Variants in ERCC1 observed in about 807,000 individuals in gnomAD.
The protein encoded by ERCC1 is DNA excision repair protein ERCC-1.
ERCC1 carries 36 observed loss-of-function variants against 37.6 expected under a neutral mutation model. The ratio of observed to expected loss-of-function variants is 0.96; its 90% confidence interval spans 0.73 to 1.26. ERCC1 has a LOEUF of 1.26. Ranked by LOEUF, ERCC1 falls within the 50% of genes most tolerant of loss-of-function variation. ERCC1 has a pLI of 0.00. For missense variants in ERCC1, 349 were observed against 376.5 expected (o/e 0.93, Z 0.60); for synonymous variants, 156 against 162.1 (o/e 0.96, Z 0.28).
upstream of ERCC1, among the ~76,000 whole-genome samples, chr19:45,428,501 CCT>C (rs1974756180): frequency 2.0e-5 from 3 of 152,220 alleles, no homozygotes; most frequent in Admixed American, 2.0e-4. Flanking sequence ...TCCGATTCCG[CCT>C]CTTTCTTCCA....
Position 45,408,165 on chromosome 19 carries a change from C to G in ERCC1, c.*1510G>C. 2 of 1,608,882 alleles carry G rather than the reference C, an allele frequency of 1.2e-6. No individual in the cohort carries two copies. The highest frequency in any genetic ancestry group is 1.7e-6 in the Non-Finnish European group (2 of 1,176,234). On this transcript the variant is annotated 3_prime_UTR_variant, in exon 10 of 10. Transcript: ENST00000300853. ...GGGCGGCATGTGCCTCTCTCTGGCT[C>G]CCAGATCGTCAAGGGCAAATTGGCA...
chr19:45,427,018 ACTCAGGAGG>A (rs1974711590), upstream of ERCC1, among the ~76,000 whole-genome samples: 1 of 151,008 alleles, frequency 6.6e-6, no homozygotes, highest in Non-Finnish European at 1.5e-5. Context: ...AGTCCCAGAT[ACTCAGGAGG>A]CTGAGGAGGG....
chr19:45,425,076 C>T (rs1243503184), upstream of ERCC1, among the ~76,000 whole-genome samples: 2 of 135,670 alleles, frequency 1.5e-5, no homozygotes, highest in African/African-American at 3.0e-5. Context: ...CCACCATGCC[C>T]GGCTAATTTT....
chr19:45,416,137 A>G (rs979483958), intron 6 of ERCC1, among the ~76,000 whole-genome samples: 1 of 152,182 alleles, frequency 6.6e-6, no homozygotes, highest in African/African-American at 2.4e-5. Flanking sequence ...CCTGTCTCAA[A>G]AAAATAATAA....
At chr19:45,414,446 C>T (rs1568578352) in intron 7 of ERCC1, 1 of 338,842 alleles carries the variant, frequency 3.0e-6, no homozygotes, top group Non-Finnish European at 5.6e-6. Flanking sequence ...CATTGCACTC[C>T]AGCCTGGGCA....
Position 45,420,405 on chromosome 19 carries a change from A to G in ERCC1, c.344T>C (p.Phe115Ser). ...PRQRGNPVLK[F>S]VRNVPWEFGD... Reference sequence around the variant, plus strand: ...AAATTCCCAGGGCACATTGCGCACGAACTTCAGTACGGGATTGCCCCTCTG... The same window carrying G: ...AAATTCCCAGGGCACATTGCGCACGGACTTCAGTACGGGATTGCCCCTCTG... Residue 115 changes from phenylalanine (F) to serine (S), a missense_variant, in exon 4 of 10, where the codon TTC (phenylalanine) becomes TCC (serine). Transcript: ENST00000300853. This position sits in a 1 kb window ranked among gnomAD's most constrained non-coding sequence, Gnocchi z 4.8. 6.2e-7 allele frequency: 1 copy of G among 1,613,484 alleles called. No homozygotes were observed. The highest frequency in any genetic ancestry group is 8.5e-7 in the Non-Finnish European group (1 of 1,179,672).
At chr19:45,421,499 T>C in intron 2 of ERCC1, 106 bp from the exon 3 acceptor site, 1 of 780,180 alleles carries the variant, frequency 1.3e-6, no homozygotes, top group South Asian at 1.8e-5. Flanking sequence ...TGAGACAGTC[T>C]TGCTCTGTCA....
intron 1 of ERCC1, among the ~76,000 whole-genome samples, chr19:45,432,936 C>T (rs112502329): frequency 0.078 from 11,896 of 152,126 alleles, 1,537 homozygotes; most frequent in African/African-American, 0.27. Context: ...CAAAATTAGC[C>T]GGGCATGGTG....
Position 45,409,254 on chromosome 19 carries a change from A to C in ERCC1, c.*421T>G. 1 of 1,613,734 alleles carries C rather than the reference A, an allele frequency of 6.2e-7. No individual in the cohort carries two copies. The highest frequency in any genetic ancestry group is 8.5e-7 in the Non-Finnish European group (1 of 1,179,806). On this transcript the variant is annotated 3_prime_UTR_variant, in exon 10 of 10. Transcript: ENST00000300853. ...ACCAAGAAGAAGAAGAAGAAGAAAG[A>C]GAGAGGTCACACAGTGACTGAGCCA...
At chr19:45,427,487 C>T (rs886690638), upstream of ERCC1, among the ~76,000 whole-genome samples, 1 of 151,794 alleles carries the variant, frequency 6.6e-6, no homozygotes, top group African/African-American at 2.4e-5. Context: ...TGGTGGCGGA[C>T]GCCTGTAATC....
chr19:45,428,296 T>A (rs1350310333), upstream of ERCC1, among the ~76,000 whole-genome samples: 2 of 151,282 alleles, frequency 1.3e-5, no homozygotes, highest in African/African-American at 2.4e-5. Flanking sequence ...GGGTGGGGTC[T>A]CACTATAGCC....
At chr19:45,418,822 T>TCAAACAAACAAA (rs111532874) in intron 5 of ERCC1, among the ~76,000 whole-genome samples, 15 of 152,202 alleles carry the variant, frequency 9.9e-5, no homozygotes, top group African/African-American at 3.6e-4. Flanking sequence ...AAACTCCGTC[T>TCAAACAAACAAA]CAAACAAACA....
upstream of ERCC1, chr19:45,424,117 A>G (rs932267390): frequency 3.0e-6 from 3 of 999,496 alleles, no homozygotes; most frequent in East Asian, 6.1e-5. Context: ...CTCAGTGGAG[A>G]ACAGATCGCA....
At chr19:45,446,525 G>A (rs1451235262) in intron 1 of ERCC1, among the ~76,000 whole-genome samples, 1 of 152,132 alleles carries the variant, frequency 6.6e-6, no homozygotes, top group Non-Finnish European at 1.5e-5. Flanking sequence ...CTTGCCTAAG[G>A]TCTCACGGCT....
Position 45,434,878 on chromosome 19 carries a change from C to T in ERCC1, c.-7-11497G>A, listed in dbSNP as rs529644226. Reference sequence around the variant, plus strand: ...GCAACCTCTGCCTCCTGGGTTCAAGCGATTCTGCTGTCTCAGCCTCCTGAG... The same window carrying T: ...GCAACCTCTGCCTCCTGGGTTCAAGTGATTCTGCTGTCTCAGCCTCCTGAG... On this transcript the variant is annotated intron_variant, in intron 1 of 8. Coordinates refer to the ERCC1 transcript ENST00000423698. Among the ~76,000 whole-genome samples, 13 of 152,154 alleles carry T rather than the reference C, an allele frequency of 8.5e-5. No homozygotes were observed. In the South Asian group the frequency reaches 2.3e-3, roughly 27 times the overall value.
chr19:45,414,785 A>T, intron 7 of ERCC1, 76 bp downstream of exon 7: 1 of 1,034,242 alleles, frequency 9.7e-7, no homozygotes, highest in Non-Finnish European at 1.5e-6. Flanking sequence ...ACAGTGCCTT[A>T]AAATTGGAAC....
chr19:45,412,227 C>T (rs1274984171), intron 9 of ERCC1, among the ~76,000 whole-genome samples: 1 of 151,764 alleles, frequency 6.6e-6, no homozygotes, highest in African/African-American at 2.4e-5. Flanking sequence ...GGTGTGATTT[C>T]AGCTCACTGC....
At chr19:45,443,334 TACTG>T (rs917751317) in intron 1 of ERCC1, among the ~76,000 whole-genome samples, 4 of 152,208 alleles carry the variant, frequency 2.6e-5, no homozygotes, top group Middle Eastern at 3.4e-3. Flanking sequence ...CCATACATCT[TACTG>T]AATGAATGAA....
intron 1 of ERCC1, among the ~76,000 whole-genome samples, chr19:45,433,005 G>T (rs1974873357): frequency 6.6e-6 from 1 of 152,190 alleles, no homozygotes; most frequent in Non-Finnish European, 1.5e-5. Context: ...GCTTGAACCT[G>T]GGAGGCGGAG....
Sources: gnomAD v4.1 joint callset for allele counts (sites outside exome capture counted in the v4.1 genomes callset) on GRCh38, gnomAD v4.1.1 for gene constraint, Gnocchi (gnomAD v3.1) non-coding constraint, MANE v1.5 for transcripts, NCBI Gene and HGNC (gene_info 2026-07-23, HGNC 2026-07-21) for gene names.